NGEF: variants seen among roughly 807,000 people sequenced by gnomAD.
NGEF encodes the protein ephexin-1.
NGEF carries 31 observed loss-of-function variants against 80.9 expected under a neutral mutation model. The ratio of observed to expected loss-of-function variants is 0.38; its 90% CI spans 0.29 to 0.52. The LOEUF (loss-of-function observed/expected upper bound fraction) is 0.52. Among genes scored for constraint, NGEF ranks in the 20% least tolerant of loss-of-function variants. The pLI is 0.84. For missense variants in NGEF, 709 were observed against 926.2 expected (o/e 0.77, Z 3.04); for synonymous variants, 371 against 370.2 (o/e 1.00, Z -0.03).
At chr2:232,901,165 G>A (rs1575003878) in intron 5 of NGEF, among the ~76,000 whole-genome samples, 1 of 152,146 alleles carries the variant, frequency 6.6e-6, no homozygotes, top group African/African-American at 2.4e-5. Flanking sequence ...CAGCCCGCGG[G>A]CCCCAATTCC....
At chr2:232,977,908 A>G (rs1694329728) in intron 1 of NGEF, among the ~76,000 whole-genome samples, 1 of 152,160 alleles carries the variant, frequency 6.6e-6, no homozygotes, top group Non-Finnish European at 1.5e-5. Flanking sequence ...AGCAGCGGAC[A>G]AGGGAGCTGG....
At chr2:232,884,190 C>T (rs1374438198) in intron 10 of NGEF, 46 bp from the exon 11 acceptor site, 2 of 1,511,660 alleles carry the variant, frequency 1.3e-6, no homozygotes, top group Non-Finnish European at 1.8e-6. Flanking sequence ...CACAATGTCC[C>T]TCCCCAGGAC....
At chr2:232,909,729 C>CA (rs1692652835) in intron 5 of NGEF, among the ~76,000 whole-genome samples, 1 of 152,128 alleles carries the variant, frequency 6.6e-6, no homozygotes, top group African/African-American at 2.4e-5. Context: ...ACGCTCCCCC[C>CA]ACACCTAACC....
chr2:232,887,945 C>G (rs1020233739), intron 9 of NGEF, 88 bp downstream of exon 9: 1 of 988,402 alleles, frequency 1.0e-6, no homozygotes. Context: ...AAAAGACACA[C>G]GGACATGTGG....
intron 11 of NGEF, 115 bp downstream of exon 11, chr2:232,883,866 A>G: frequency 8.9e-7 from 1 of 1,127,686 alleles, no homozygotes. Context: ...TTTAAACCTG[A>G]CCGAAGAGCC....
intron 4 of NGEF, 79 bp from the exon 5 acceptor site, chr2:232,920,664 G>A (rs1244848942): frequency 1.7e-5 from 23 of 1,393,572 alleles, no homozygotes; most frequent in Admixed American, 2.4e-5. Flanking sequence ...TCAAGGCTTC[G>A]TGTTCTTATC....
chr2:232,930,863 T>C (rs962774852), intron 3 of NGEF, among the ~76,000 whole-genome samples: 1 of 152,276 alleles, frequency 6.6e-6, no homozygotes, highest in Non-Finnish European at 1.5e-5. Context: ...TCATTCCATC[T>C]TAACAACCCA....
intron 1 of NGEF, among the ~76,000 whole-genome samples, chr2:232,984,530 C>CCAGG (rs1337383293): frequency 6.6e-6 from 1 of 152,094 alleles, no homozygotes; most frequent in African/African-American, 2.4e-5. Flanking sequence ...AGACAGCCTT[C>CCAGG]CAGGGAAGGG....
At chr2:232,887,946 G>A (rs915518825) in intron 9 of NGEF, 87 bp downstream of exon 9, 10 of 985,324 alleles carry the variant, frequency 1.0e-5, no homozygotes, top group East Asian at 2.4e-5. Context: ...AAAGACACAC[G>A]GACATGTGGG....
intron 5 of NGEF, among the ~76,000 whole-genome samples, chr2:232,906,630 ACTGGGAAGTGAGGAGC>A (rs1692558204): frequency 2.5e-5 from 1 of 39,970 alleles, no homozygotes; most frequent in Non-Finnish European, 6.2e-5. Context: ...GGCCACCCCT[ACTGGGAAGTGAGGAGC>A]CCCTCTGCCC....
At position 232,943,240 on chromosome 2, in the gene NGEF, TA is replaced by T. The variant is rs531440463; in HGVS notation, c.384-16055del. On this transcript the variant is annotated intron_variant, in intron 3 of 14. Coordinates refer to ENST00000264051, the MANE Select transcript of NGEF (RefSeq NM_019850.3). The stretch of plus-strand genomic sequence containing the variant: ...TCTATTTGAAATTAGCATTTGTTCT[TA>T]AAAAAAAAAAGAGTCTCTAACCTGT... 8.6e-4 allele frequency among the ~76,000 whole-genome samples: 125 copies of T among 145,406 alleles called. 1 individual carries two copies. The highest frequency in any genetic ancestry group is 2.0e-3 in the African/African-American group (78 of 39,888).
At chr2:232,965,248 A>G (rs1357771487) in intron 3 of NGEF, among the ~76,000 whole-genome samples, 1 of 152,156 alleles carries the variant, frequency 6.6e-6, no homozygotes, top group Non-Finnish European at 1.5e-5. Context: ...TAGATCATGA[A>G]ACCTGCCTTT....
intron 5 of NGEF, among the ~76,000 whole-genome samples, chr2:232,895,952 G>A (rs1692045030): frequency 6.6e-6 from 1 of 152,104 alleles, no homozygotes; most frequent in South Asian, 2.1e-4. Context: ...CATCTCATGG[G>A]TCATTCTGTA....
In NGEF at chr2:232,951,189, A is replaced by G. The variant is rs559264557; in HGVS notation, c.383+19025T>C. Among the ~76,000 whole-genome samples, 365 of 152,306 alleles carry G rather than the reference A, an allele frequency of 2.4e-3. 4 individuals carry two copies. The highest frequency in any genetic ancestry group is 6.8e-3 in the Middle Eastern group (2 of 294). On this transcript the variant is annotated intron_variant, in intron 3 of 14. Transcript: ENST00000264051. ...TCCCAGATGGACAGACACCAGGACC[A>G]TTCTGCCTTTAGCCTCTCTGGTGGC... is the stretch of plus-strand genomic sequence containing the variant.
intron 1 of NGEF, among the ~76,000 whole-genome samples, chr2:232,985,479 G>A (rs1468495735): frequency 6.6e-6 from 1 of 152,120 alleles, no homozygotes; most frequent in Non-Finnish European, 1.5e-5. Context: ...TAGGCCAGGC[G>A]CAGTGGCTCA....
intron 9 of NGEF, 126 bp downstream of exon 9, chr2:232,887,907 G>C (rs1691744447): frequency 1.3e-6 from 1 of 778,696 alleles, no homozygotes; most frequent in Admixed American, 2.1e-5. Context: ...TTGCAAAAGT[G>C]AATTTTAAAA....
chr2:232,888,222 G>GCA (rs5839453), intron 8 of NGEF, 115 bp from the exon 9 acceptor site: 298 of 637,686 alleles, frequency 4.7e-4, no homozygotes, highest in East Asian at 8.4e-4. Context: ...GCTGCAGCAT[G>GCA]CACACACACA....
chr2:232,920,495 TTGG>T lies in NGEF; in HGVS notation c.614_616del (p.Thr205del). The T allele has an allele frequency of 6.2e-7, 1 of 1,609,042 alleles. No homozygotes were observed. Reference sequence around the variant, plus strand: ...GGTGTCCTCACTGGCCGGGGACCCATTGGTATTGTCTTCTATTTCTGCATCCTG... The same window carrying T: ...GGTGTCCTCACTGGCCGGGGACCCATTATTGTCTTCTATTTCTGCATCCTG... On this transcript the variant is annotated inframe_deletion, in exon 5 of 15. Transcript: ENST00000264051.
At position 232,974,651 on chromosome 2, in the gene NGEF, GT is replaced by G; in HGVS notation, c.239del (p.Asn80ThrfsTer19). 6.2e-7 allele frequency: 1 copy of G among 1,614,216 alleles called. No homozygotes were observed. The highest frequency in any genetic ancestry group is 8.5e-7 in the Non-Finnish European group (1 of 1,180,044). ...CCAGGCAGCTGGCGTTCCGTTCGGG[GT>G]TGTCTCTGGCCTTGGCTTTGCTTTT... is the stretch of plus-strand genomic sequence containing the variant. The part of the protein sequence containing the change: ...RRKSKAKARD[N>X]PERNASCLAD... On this transcript the variant is annotated frameshift_variant, in exon 2 of 15. Transcript: ENST00000264051. LOFTEE classifies it high-confidence loss of function.
Sources: gnomAD v4.1 joint callset for allele counts (sites outside exome capture counted in the v4.1 genomes callset) on GRCh38, gnomAD v4.1.1 for gene constraint, MANE v1.5 for transcripts, NCBI Gene and HGNC (gene_info 2026-07-23, HGNC 2026-07-21) for gene names.